ZMAT5: variants seen among roughly 807,000 people sequenced by gnomAD.
The protein encoded by ZMAT5 is zinc finger matrin-type protein 5.
ZMAT5 carries 23 observed loss-of-function variants against 28.0 expected under a neutral mutation model. That is an observed-to-expected ratio of 0.82 (90% CI 0.59 to 1.16). The LOEUF is 1.16. Ranked by LOEUF, ZMAT5 falls within the 50% of genes most tolerant of loss-of-function variation. The pLI is 0.00. For missense variants in ZMAT5, 173 were observed against 212.7 expected (o/e 0.81, Z 1.16); for synonymous variants, 76 against 84.1 (o/e 0.90, Z 0.52).
At chr22:29,755,366 G>A (rs369293672) in intron 1 of ZMAT5, among the ~76,000 whole-genome samples, 2 of 74,590 alleles carry the variant, frequency 2.7e-5, no homozygotes, top group Non-Finnish European at 5.1e-5. Flanking sequence ...AGGGAGGGAG[G>A]GGGAGAGAGA....
At chr22:29,737,296 C>A (rs879542380) in intron 5 of ZMAT5, among the ~76,000 whole-genome samples, 1 of 152,138 alleles carries the variant, frequency 6.6e-6, no homozygotes, top group Admixed American at 6.5e-5. Context: ...CCACTGCACT[C>A]CAGCCTGGGC....
intron 1 of ZMAT5, among the ~76,000 whole-genome samples, chr22:29,765,912 A>C (rs1317962193): frequency 2.6e-5 from 4 of 152,042 alleles, no homozygotes; most frequent in Non-Finnish European, 5.9e-5. Context: ...TACTACAATA[A>C]CTTCCCCCTT....
chr22:29,756,231 G>T (rs377637312), intron 1 of ZMAT5, among the ~76,000 whole-genome samples: 10 of 152,172 alleles, frequency 6.6e-5, no homozygotes, highest in African/African-American at 2.4e-4. Context: ...TTTATTGCAC[G>T]CCCACTAGGA....
At position 29,742,437 on chromosome 22, in the gene ZMAT5, G is replaced by T; in HGVS notation, c.171C>A (p.Cys57Ter). The T allele has an allele frequency of 2.5e-6, 4 of 1,613,302 alleles. No homozygotes were observed. The highest frequency in any genetic ancestry group is 2.5e-6 in the Non-Finnish European group (3 of 1,179,924). ...ILLDEQNKRP[C>*]RKFLLTGQCD... ...CTTTACCTGTCAGTAGAAACTTCCTGCAGGGCCGCTTGTTCTGCTCATCCA... is the reference window on the plus strand; with the variant it reads ...CTTTACCTGTCAGTAGAAACTTCCTTCAGGGCCGCTTGTTCTGCTCATCCA... Residue 57 changes from cysteine (C) to a stop codon, truncating the protein, a stop_gained, in exon 3 of 6, where the codon TGC becomes TGA. Transcript: ENST00000344318. LOFTEE classifies it high-confidence loss of function.
chr22:29,745,834 G>C (rs1339180072), intron 2 of ZMAT5, among the ~76,000 whole-genome samples: 3 of 152,240 alleles, frequency 2.0e-5, no homozygotes, highest in Non-Finnish European at 2.9e-5. Context: ...CGGTATATCC[G>C]CAAGTCCCTG....
intron 1 of ZMAT5, among the ~76,000 whole-genome samples, chr22:29,755,977 C>CAA (rs2068098155): frequency 1.3e-5 from 2 of 152,282 alleles, no homozygotes; most frequent in Non-Finnish European, 2.9e-5. Flanking sequence ...ACAGGGCAAA[C>CAA]ATTTGCGCTT....
intron 1 of ZMAT5, among the ~76,000 whole-genome samples, chr22:29,766,097 T>G (rs1031277793): frequency 3.9e-5 from 6 of 152,204 alleles, no homozygotes; most frequent in Non-Finnish European, 8.8e-5. Flanking sequence ...GAAGATTGCT[T>G]GAGCCCAGGA....
chr22:29,764,749 C>A (rs2068191034), intron 1 of ZMAT5, among the ~76,000 whole-genome samples: 1 of 152,140 alleles, frequency 6.6e-6, no homozygotes, highest in Non-Finnish European at 1.5e-5. Context: ...GTGATCCACC[C>A]ACCTTAGCCT....
intron 4 of ZMAT5, among the ~76,000 whole-genome samples, chr22:29,739,441 C>T (rs2067940457): frequency 1.3e-5 from 2 of 152,190 alleles, no homozygotes; most frequent in Non-Finnish European, 1.5e-5. Flanking sequence ...TCACTTGGGG[C>T]CGGGCCCTGG....
chr22:29,750,339 C>T (rs1260417806), intron 1 of ZMAT5, among the ~76,000 whole-genome samples: 1 of 152,164 alleles, frequency 6.6e-6, no homozygotes, highest in East Asian at 1.9e-4. Context: ...AGCCAGAGGG[C>T]GCAGGCAGTG....
intron 1 of ZMAT5, among the ~76,000 whole-genome samples, chr22:29,758,160 G>A (rs2068121558): frequency 6.6e-6 from 1 of 152,164 alleles, no homozygotes; most frequent in South Asian, 2.1e-4. Flanking sequence ...TAACAGCCAC[G>A]TGAATACATT....
chr22:29,749,924 C>G (rs778469838), intron 1 of ZMAT5, among the ~76,000 whole-genome samples: 2 of 152,200 alleles, frequency 1.3e-5, no homozygotes, highest in Admixed American at 6.5e-5. Flanking sequence ...GCCTTCCCAG[C>G]CATGCAGAAC....
chr22:29,740,034 C>T (rs558113652), intron 4 of ZMAT5, among the ~76,000 whole-genome samples: 24 of 152,312 alleles, frequency 1.6e-4, no homozygotes, highest in Non-Finnish European at 2.8e-4. Flanking sequence ...GGGGCTCACG[C>T]GAGGCCTTTC....
At chr22:29,755,370 A>AGGGAGGGGGAGG in intron 1 of ZMAT5, among the ~76,000 whole-genome samples, 1 of 94,892 alleles carries the variant, frequency 1.1e-5, no homozygotes, top group Middle Eastern at 5.1e-3. Context: ...AGGGAGGGGG[A>AGGGAGGGGGAGG]GAGAGAGAGA....
intron 1 of ZMAT5, among the ~76,000 whole-genome samples, chr22:29,761,269 C>CA (rs131283): frequency 0.48 from 28,299 of 59,440 alleles, 7,215 homozygotes; most frequent in East Asian, 0.76. Flanking sequence ...AACTCCGTCT[C>CA]AAAAAAAAAA....
At chr22:29,764,229 C>T (rs1339117855) in intron 1 of ZMAT5, among the ~76,000 whole-genome samples, 1 of 152,214 alleles carries the variant, frequency 6.6e-6, no homozygotes, top group Non-Finnish European at 1.5e-5. Context: ...CTCCTCTGAA[C>T]TTCCCATCAG....
At chr22:29,751,733 G>A (rs1377925730) in intron 1 of ZMAT5, among the ~76,000 whole-genome samples, 2 of 152,162 alleles carry the variant, frequency 1.3e-5, no homozygotes, top group Non-Finnish European at 2.9e-5. Context: ...TTGGGAGGCC[G>A]AGATGGGTCG....
intron 1 of ZMAT5, among the ~76,000 whole-genome samples, chr22:29,761,629 C>G (rs2068158890): frequency 6.6e-6 from 1 of 151,912 alleles, no homozygotes; most frequent in Admixed American, 6.6e-5. Context: ...TGCGAGGGAT[C>G]TAGGTTATGT....
At chr22:29,759,204 A>G (rs2147236943) in intron 1 of ZMAT5, among the ~76,000 whole-genome samples, 1 of 152,292 alleles carries the variant, frequency 6.6e-6, no homozygotes, top group South Asian at 2.1e-4. Context: ...AAAGGTAAAA[A>G]TAGTCTGAAT....
Sources: gnomAD v4.1 joint callset for allele counts (sites outside exome capture counted in the v4.1 genomes callset) on GRCh38, gnomAD v4.1.1 for gene constraint, MANE v1.5 for transcripts, NCBI Gene and HGNC (gene_info 2026-07-23, HGNC 2026-07-21) for gene names.